Variants in LMX1B observed in about 807,000 individuals in gnomAD.
LMX1B encodes LIM homeobox transcription factor 1-beta.
Under a neutral mutation model 51.4 loss-of-function variants are expected in LMX1B, and 12 were observed. That is an observed-to-expected ratio of 0.23 (90% CI 0.15 to 0.38). LMX1B has a LOEUF of 0.38. Among genes scored for constraint, LMX1B ranks in the 10% least tolerant of loss-of-function variants. LMX1B has a pLI of 1.00. For synonymous variants in LMX1B, 237 were observed against 235.4 expected (o/e 1.01, Z -0.06); for missense variants, 445 against 571.1 (o/e 0.78, Z 2.25).
intron 2 of LMX1B, among the ~76,000 whole-genome samples, chr9:126,684,242 C>T (rs1836731550): frequency 6.6e-6 from 1 of 152,098 alleles, no homozygotes; most frequent in African/African-American, 2.4e-5. Flanking sequence ...CTGCCTGGTC[C>T]CCAGTGCGGG....
rs1333337847 is a variant in LMX1B at position 126,697,779 on chromosome 9, C to CG, written c.*1329dup. The CG allele has an allele frequency of 1.3e-5, 2 of 152,592 alleles. No homozygotes were observed. Among genetic ancestry groups the CG allele is most frequent in the East Asian group, 3.8e-4 (2 of 5,210 alleles). The allele number at this position is 152,592 out of a possible 1,614,324, so 9.5% of individuals were successfully genotyped here. A position where few individuals can be genotyped will look rare whatever the true frequency, so the allele number is the denominator to read the frequency against. Reference sequence around the variant, plus strand: ...TGTAGCTAAATCCCTGGGCCCCACACGCAAGTGACAGCTAAGCCACATCTG... The same window carrying CG: ...TGTAGCTAAATCCCTGGGCCCCACACGGCAAGTGACAGCTAAGCCACATCTG... On this transcript the variant is annotated 3_prime_UTR_variant, in exon 8 of 8. Transcript: ENST00000373474.
At chr9:126,666,053 C>A (rs368345058) in intron 2 of LMX1B, among the ~76,000 whole-genome samples, 2 of 152,258 alleles carry the variant, frequency 1.3e-5, no homozygotes, top group Non-Finnish European at 2.9e-5. Flanking sequence ...GTCTGCCCTG[C>A]GCCTCAGTAA....
At position 126,697,837 on chromosome 9, in the gene LMX1B, CTGTTTTGTTT is replaced by C. The variant is rs59836255; in HGVS notation, c.*1432_*1441del. The stretch of plus-strand genomic sequence containing the variant: ...TGTATATGCAGGATGGGGGCACCTA[CTGTTTTGTTT>C]TGTTTTGTTTTGTTTTGTTTTGTTT... On this transcript the variant is annotated 3_prime_UTR_variant, in exon 8 of 8. Coordinates refer to ENST00000373474, the MANE Select transcript of LMX1B (RefSeq NM_001174147.2). 0.061 allele frequency: 9,034 copies of C among 147,782 alleles called. 402 individuals carry two copies. The highest frequency in any genetic ancestry group is 0.13 in the African/African-American group (4,910 of 39,032). 9.2% of individuals were successfully genotyped at this position (147,782 alleles called of 1,614,324 possible). A position where few individuals can be genotyped will look rare whatever the true frequency, so the allele number is the denominator to read the frequency against.
chr9:126,621,006 G>A (rs60330707), intron 2 of LMX1B, among the ~76,000 whole-genome samples: 7,530 of 152,234 alleles, frequency 0.049, 651 homozygotes, highest in East Asian at 0.41. Context: ...CCTCCAGCTC[G>A]GGCTCTGTGG....
chr9:126,671,654 C>G lies in LMX1B; in HGVS notation c.327-19182C>G, dbSNP rs1164185300. ...TATCTTTTGAAAGATAGGCGCACCC[C>G]GGGATGAGAGGTCAGCGGGCCTGCC... On this transcript the variant is annotated intron_variant, in intron 2 of 7. Coordinates refer to ENST00000373474, the MANE Select transcript of LMX1B (RefSeq NM_001174147.2). This position sits in a 1 kb window ranked among gnomAD's most constrained non-coding sequence, Gnocchi z 4.4. Among the ~76,000 whole-genome samples, 1 of 152,178 alleles carries G rather than the reference C, an allele frequency of 6.6e-6. No individual in the cohort carries two copies. The highest frequency in any genetic ancestry group is 2.4e-5 in the African/African-American group (1 of 41,434).
At chr9:126,664,760 A>G (rs1238834868) in intron 2 of LMX1B, among the ~76,000 whole-genome samples, 1 of 152,158 alleles carries the variant, frequency 6.6e-6, no homozygotes, top group Non-Finnish European at 1.5e-5. Context: ...CTGTAATCCC[A>G]CCTACTTAGG....
At chr9:126,624,869 G>T (rs937496818) in intron 2 of LMX1B, among the ~76,000 whole-genome samples, 1 of 152,140 alleles carries the variant, frequency 6.6e-6, no homozygotes, top group Admixed American at 6.5e-5. Context: ...CAGCAACGGG[G>T]AAAGGCGAGC....
intron 2 of LMX1B, among the ~76,000 whole-genome samples, chr9:126,647,225 AT>A (rs1286610116): frequency 6.6e-6 from 1 of 152,136 alleles, no homozygotes; most frequent in Non-Finnish European, 1.5e-5. Flanking sequence ...GAAAAAAAAA[AT>A]GCTAGGAAAA....
chr9:126,630,949 G>A (rs1340863091), intron 2 of LMX1B, among the ~76,000 whole-genome samples: 1 of 152,278 alleles, frequency 6.6e-6, no homozygotes, highest in African/African-American at 2.4e-5. Context: ...AGGGACGGCT[G>A]TCTGAGTGTG....
Position 126,695,353 on chromosome 9 carries a change from G to A in LMX1B, c.887-486G>A, listed in dbSNP as rs146687413. 1.3e-5 allele frequency among the ~76,000 whole-genome samples: 2 copies of A among 152,316 alleles called. No individual in the cohort carries two copies. The highest frequency in any genetic ancestry group is 2.4e-5 in the African/African-American group (1 of 41,566). ...TCCCTGCCTCTTGGCCCCACGTGCT[G>A]CACCCTCACTTACCCGGCGGTCTGT... On this transcript the variant is annotated intron_variant, in intron 6 of 7. Transcript: ENST00000373474. This position sits in a 1 kb window ranked among gnomAD's most constrained non-coding sequence, Gnocchi z 5.2.
chr9:126,627,330 G>A (rs1192499979), intron 2 of LMX1B, among the ~76,000 whole-genome samples: 1 of 152,070 alleles, frequency 6.6e-6, no homozygotes, highest in Non-Finnish European at 1.5e-5. Flanking sequence ...CAGCCTGCTT[G>A]CTTCTGACTT....
chr9:126,692,449 T>C (rs2030164326), intron 3 of LMX1B, among the ~76,000 whole-genome samples: 1 of 152,194 alleles, frequency 6.6e-6, no homozygotes, highest in Non-Finnish European at 1.5e-5. Context: ...GCATGGTGGG[T>C]GTGGCTGTAG....
chr9:126,676,447 G>GA (rs1836565972), intron 2 of LMX1B, among the ~76,000 whole-genome samples: 1 of 152,196 alleles, frequency 6.6e-6, no homozygotes, highest in African/African-American at 2.4e-5. Context: ...GTATTTGGGG[G>GA]AATGGATGAA....
intron 2 of LMX1B, among the ~76,000 whole-genome samples, chr9:126,661,761 C>A (rs1836251203): frequency 6.6e-6 from 1 of 152,116 alleles, no homozygotes; most frequent in Non-Finnish European, 1.5e-5. Flanking sequence ...GCTTGGCCTG[C>A]CCCTCTCTAT....
chr9:126,682,617 C>A (rs1163771329), intron 2 of LMX1B, among the ~76,000 whole-genome samples: 1 of 152,140 alleles, frequency 6.6e-6, no homozygotes, highest in Non-Finnish European at 1.5e-5. Context: ...ATTTGTGGGG[C>A]CGTGTGCGGT....
At chr9:126,691,095 G>A in intron 3 of LMX1B, 27 bp downstream of exon 3, 1 of 1,572,992 alleles carries the variant, frequency 6.4e-7, no homozygotes, top group Non-Finnish European at 8.7e-7. Flanking sequence ...GCTGGGGGCA[G>A]GCCTCAGGGA....
intron 2 of LMX1B, among the ~76,000 whole-genome samples, chr9:126,644,070 G>A (rs1045393805): frequency 1.3e-5 from 2 of 152,208 alleles, no homozygotes; most frequent in Non-Finnish European, 2.9e-5. Flanking sequence ...GAAGAGGCCC[G>A]GCTGATAAAG....
chr9:126,678,327 AACAAAAAAAAAAAAC>A (rs1564164437), intron 2 of LMX1B, among the ~76,000 whole-genome samples: 1 of 109,050 alleles, frequency 9.2e-6, no homozygotes, highest in African/African-American at 5.5e-5. Context: ...AAAAACAAAA[AACAAAAAAAAAAAAC>A]AAAAAGACTG....
At chr9:126,619,884 G>C (rs2118834859) in intron 2 of LMX1B, among the ~76,000 whole-genome samples, 1 of 152,190 alleles carries the variant, frequency 6.6e-6, no homozygotes, top group East Asian at 1.9e-4. Flanking sequence ...GCTCTTTCCT[G>C]CCCTGTCCAT....
Sources: gnomAD v4.1 joint callset for allele counts (sites outside exome capture counted in the v4.1 genomes callset) on GRCh38, gnomAD v4.1.1 for gene constraint, Gnocchi (gnomAD v3.1) non-coding constraint, MANE v1.5 for transcripts, NCBI Gene and HGNC (gene_info 2026-07-23, HGNC 2026-07-21) for gene names.